Variants in DNER observed in about 807,000 individuals in gnomAD.
The protein encoded by DNER is delta/notch like EGF repeat containing, also known as delta and Notch-like epidermal growth factor-related receptor.
A neutral mutation model predicts 78.2 loss-of-function variants in DNER; 33 were observed. The ratio of observed to expected loss-of-function variants is 0.42; its 90% CI spans 0.32 to 0.56. The LOEUF (loss-of-function observed/expected upper bound fraction) is 0.56. DNER is among the 20% of genes least tolerant of loss of function. The probability of loss-of-function intolerance (pLI) is 0.11; values close to 1 mark genes in which losing one functional copy is unlikely to be tolerated. For synonymous variants in DNER, 417 were observed against 384.8 expected, an observed-to-expected ratio of 1.08 and a Z score of -0.98; for missense variants, 918 against 975.3, an observed-to-expected ratio of 0.94 and a Z score of 0.78.
chr2:229,554,925 G>A (rs1696826490), intron 4 of DNER, among the ~76,000 whole-genome samples: 1 of 66,432 alleles, frequency 1.5e-5, no homozygotes, highest in Non-Finnish European at 3.1e-5. Context: ...GAGAAGAGAA[G>A]AGAAGAGAAG....
At chr2:229,630,525 A>C (rs1296884767) in intron 1 of DNER, among the ~76,000 whole-genome samples, 1 of 149,458 alleles carries the variant, frequency 6.7e-6, no homozygotes, top group Non-Finnish European at 1.5e-5. Context: ...TAATAATAAA[A>C]TCTTCTGGCA....
intron 4 of DNER, among the ~76,000 whole-genome samples, chr2:229,580,737 G>A (rs1697377428): frequency 1.3e-5 from 2 of 152,200 alleles, no homozygotes; most frequent in African/African-American, 4.8e-5. Context: ...GGCAGGCAGG[G>A]AGTGTGGATA....
intron 6 of DNER, among the ~76,000 whole-genome samples, chr2:229,495,619 C>T (rs994219250): frequency 8.5e-5 from 13 of 152,224 alleles, no homozygotes; most frequent in Admixed American, 6.5e-4. Flanking sequence ...AACCTAGGCC[C>T]ACCCACGTTA....
At chr2:229,544,470 A>AAT (rs531276707) in intron 5 of DNER, among the ~76,000 whole-genome samples, 1 of 152,096 alleles carries the variant, frequency 6.6e-6, no homozygotes, top group Non-Finnish European at 1.5e-5. Context: ...TCCTCCAAGG[A>AAT]ATATCCTACA....
At chr2:229,477,411 G>A (rs1484277034) in intron 6 of DNER, among the ~76,000 whole-genome samples, 158 bp from the exon 7 acceptor site, 1 of 152,126 alleles carries the variant, frequency 6.6e-6, no homozygotes, top group Admixed American at 6.5e-5. Context: ...TACAAACTAT[G>A]GTAGTTTAGA....
intron 1 of DNER, among the ~76,000 whole-genome samples, chr2:229,695,804 C>T (rs556139954): frequency 1.6e-4 from 24 of 152,188 alleles, no homozygotes; most frequent in African/African-American, 9.6e-5. Flanking sequence ...GTTCTGGGAA[C>T]GGAGGATGAA....
chr2:229,614,221 A>G (rs550622663), intron 1 of DNER, among the ~76,000 whole-genome samples: 45 of 151,956 alleles, frequency 3.0e-4, no homozygotes, highest in Admixed American at 8.5e-4. Context: ...AAAATAAAAA[A>G]TAAAAATAAA....
chr2:229,545,114 T>C (rs1696596513), intron 5 of DNER, among the ~76,000 whole-genome samples: 1 of 152,098 alleles, frequency 6.6e-6, no homozygotes, highest in Non-Finnish European at 1.5e-5. Flanking sequence ...CCAATAGAAA[T>C]ATGTGTATAA....
At chr2:229,374,858 T>C (rs1692563402) in intron 11 of DNER, among the ~76,000 whole-genome samples, 1 of 152,202 alleles carries the variant, frequency 6.6e-6, no homozygotes, top group Non-Finnish European at 1.5e-5. Context: ...TATTTTATGT[T>C]GTGTGTGTTT....
intron 7 of DNER, among the ~76,000 whole-genome samples, chr2:229,455,436 G>A (rs773344825): frequency 3.3e-5 from 5 of 152,014 alleles, no homozygotes; most frequent in Non-Finnish European, 5.9e-5. Flanking sequence ...CAAGTTGCCC[G>A]TATAATCAGA....
At chr2:229,542,288 G>A (rs1043430872) in intron 5 of DNER, among the ~76,000 whole-genome samples, 8 of 152,070 alleles carry the variant, frequency 5.3e-5, no homozygotes, top group Non-Finnish European at 7.4e-5. Flanking sequence ...TTGGTAACAC[G>A]AAAGCAGTTT....
intron 1 of DNER, among the ~76,000 whole-genome samples, chr2:229,631,971 T>C (rs938490426): frequency 2.6e-5 from 4 of 152,228 alleles, no homozygotes; most frequent in Admixed American, 2.6e-4. Flanking sequence ...ACTAATTCTA[T>C]ATCAACCAAT....
intron 1 of DNER, among the ~76,000 whole-genome samples, chr2:229,604,410 G>A (rs1157766577): frequency 2.6e-5 from 4 of 152,144 alleles, no homozygotes; most frequent in Non-Finnish European, 5.9e-5. Flanking sequence ...TTTATTCAGA[G>A]TATTCCCTAC....
intron 1 of DNER, among the ~76,000 whole-genome samples, chr2:229,619,540 C>T (rs983992647): frequency 3.3e-5 from 5 of 152,132 alleles, no homozygotes; most frequent in Admixed American, 6.6e-5. Flanking sequence ...ACGGCAATGT[C>T]CTAGGGCTTC....
At chr2:229,594,599 CA>C (rs879890812) in intron 1 of DNER, among the ~76,000 whole-genome samples, 4,199 of 40,808 alleles carry the variant, frequency 0.1, 88 homozygotes, top group Non-Finnish European at 0.2. Context: ...AAAAAAAAAA[CA>C]AAACAAACAA....
In DNER at chr2:229,518,408, T is replaced by C. The variant is rs374429137; in HGVS notation, c.994-5472A>G. Among the ~76,000 whole-genome samples, 3 of 152,228 alleles carry C rather than the reference T, an allele frequency of 2.0e-5. No homozygotes were observed. In the South Asian group the frequency reaches 6.2e-4, roughly 31 times the overall value. Reference sequence around the variant, plus strand: ...AGAAAAGGACATGTTCTATGTCAGATAACATCCTAGAGGGACAACAAATAT... The same window carrying C: ...AGAAAAGGACATGTTCTATGTCAGACAACATCCTAGAGGGACAACAAATAT... On this transcript the variant is annotated intron_variant, in intron 5 of 12. Coordinates refer to ENST00000341772, the MANE Select transcript of DNER (RefSeq NM_139072.4).
At position 229,358,340 on chromosome 2, in the gene DNER, A is replaced by G. The variant is rs1434152527; in HGVS notation, c.*200T>C. ...CAGTTTAGAGAGCTGAAGGTACATT[A>G]AAACATCGTCTATAGGTTTCACAAA... On this transcript the variant is annotated 3_prime_UTR_variant, in exon 13 of 13. Transcript: ENST00000341772. 4.8e-6 allele frequency: 2 copies of G among 415,576 alleles called. No homozygotes were observed. The highest frequency in any genetic ancestry group is 2.0e-5 in the African/African-American group (1 of 49,346). The allele number at this position is 415,576 out of a possible 1,614,324, so 25.7% of individuals were successfully genotyped here.
intron 6 of DNER, among the ~76,000 whole-genome samples, chr2:229,502,889 TC>T (rs1695650440): frequency 6.6e-6 from 1 of 152,070 alleles, no homozygotes; most frequent in Admixed American, 6.6e-5. Context: ...TAAAGGGGTG[TC>T]CCCCTTAGAT....
chr2:229,633,640 G>C (rs1698477011), intron 1 of DNER, among the ~76,000 whole-genome samples: 2 of 152,186 alleles, frequency 1.3e-5, no homozygotes, highest in African/African-American at 4.8e-5. Context: ...TAGTCAGGCA[G>C]GCTGGAACAG....
Sources: allele counts gnomAD v4.1 joint callset (sites outside exome capture counted in the v4.1 genomes callset), GRCh38; gene constraint gnomAD v4.1.1; transcripts MANE v1.5; gene names NCBI Gene and HGNC (gene_info 2026-07-23, HGNC 2026-07-21).